Variants in PCSK5 observed in about 807,000 individuals in gnomAD.
PCSK5 encodes prohormone convertase 5.
PCSK5 carries 129 observed loss-of-function variants against 233.2 expected under a neutral mutation model. The observed-to-expected ratio is 0.55, with a 90% CI of 0.48 to 0.64. PCSK5 has a LOEUF of 0.64. PCSK5 is among the 30% of genes least tolerant of loss of function. PCSK5 has a pLI of 0.00. For synonymous variants in PCSK5, 825 were observed against 879.2 expected (o/e 0.94, Z 1.09); for missense variants, 2,076 against 2,430.1 (o/e 0.85, Z 3.06).
intron 17 of PCSK5, among the ~76,000 whole-genome samples, chr9:76,187,425 G>A (rs1824158090): frequency 6.6e-6 from 1 of 151,908 alleles, no homozygotes; most frequent in Non-Finnish European, 1.5e-5. Flanking sequence ...CTAGAGTGCA[G>A]TGGTGTGATC....
chr9:75,924,027 G>T (rs888976169), intron 1 of PCSK5, among the ~76,000 whole-genome samples: 1 of 151,966 alleles, frequency 6.6e-6, no homozygotes. Context: ...CCCATTTCAA[G>T]ATCCTTAACT....
chr9:76,193,332 A>G (rs1210452302), intron 20 of PCSK5: 5 of 1,612,234 alleles, frequency 3.1e-6, no homozygotes, highest in Non-Finnish European at 4.2e-6. Flanking sequence ...TTGCTGCAAA[A>G]CATGTACATT....
chr9:76,113,870 G>T (rs911906312), intron 9 of PCSK5, among the ~76,000 whole-genome samples: 4 of 152,128 alleles, frequency 2.6e-5, no homozygotes, highest in Non-Finnish European at 5.9e-5. Flanking sequence ...TGGGCAGGGA[G>T]CACAAGTGTA....
intron 5 of PCSK5, among the ~76,000 whole-genome samples, chr9:76,058,161 T>C (rs1457709765): frequency 2.0e-5 from 3 of 152,212 alleles, no homozygotes; most frequent in Admixed American, 1.3e-4. Context: ...AAGGGACTTT[T>C]TAGTGCATGG....
intron 5 of PCSK5, among the ~76,000 whole-genome samples, chr9:76,052,011 A>G (rs1392058503): frequency 6.6e-6 from 1 of 152,188 alleles, no homozygotes; most frequent in Non-Finnish European, 1.5e-5. Flanking sequence ...CTTTTTTCGT[A>G]GAAACAAGCT....
intron 5 of PCSK5, among the ~76,000 whole-genome samples, chr9:76,042,758 A>T (rs912496848): frequency 2.6e-5 from 4 of 152,122 alleles, no homozygotes; most frequent in African/African-American, 9.7e-5. Context: ...GAAGCACTCC[A>T]CTCCCACCAA....
In PCSK5 at chr9:76,354,191, G is replaced by A; in HGVS notation, c.5226G>A (p.Gln1742=). 1 of 1,587,088 alleles carries A rather than the reference G, an allele frequency of 6.3e-7. No homozygotes were observed. Among genetic ancestry groups the A allele is most frequent in the South Asian group, 1.2e-5 (1 of 86,770 alleles). ...CCNTSDPPSA[Q]ECCDCQDTTD... ...ACACCTCTGATCCCCCCAGTGCCCA[G>A]GAGTGCTGTGACTGCCAGGACACCA... Residue 1742 remains glutamine, a synonymous_variant, in exon 37 of 38, where the codon CAG becomes CAA. Transcript: ENST00000674117.
At chr9:76,302,959 C>CTTTTTTTTTTTTTTTT (rs10552673) in intron 28 of PCSK5, among the ~76,000 whole-genome samples, 1 of 87,490 alleles carries the variant, frequency 1.1e-5, no homozygotes, top group Non-Finnish European at 2.2e-5. Context: ...CAAAGTGGTT[C>CTTTTTTTTTTTTTTTT]TTTTTTTTTT....
intron 29 of PCSK5, 64 bp from the exon 30 acceptor site, chr9:76,310,592 C>T (rs995644891): frequency 1.8e-6 from 2 of 1,100,960 alleles, no homozygotes; most frequent in Non-Finnish European, 2.5e-6. Flanking sequence ...TTAAAAAAGC[C>T]ATGTCTCTGC....
chr9:76,358,954 A>G lies in PCSK5; in HGVS notation c.*32A>G. 6.3e-7 allele frequency: 1 copy of G among 1,588,126 alleles called. No individual in the cohort carries two copies. On this transcript the variant is annotated 3_prime_UTR_variant, in exon 38 of 38. Coordinates refer to ENST00000674117, the MANE Select transcript of PCSK5 (RefSeq NM_001372043.1). ...ACTCCCCCACCAACACCACCATTCCACTCTCAGGCATGCCTGTGAGCATCA... is the reference window on the plus strand; with the variant it reads ...ACTCCCCCACCAACACCACCATTCCGCTCTCAGGCATGCCTGTGAGCATCA...
chr9:76,303,231 G>A (rs1231223178), intron 28 of PCSK5, among the ~76,000 whole-genome samples: 1 of 151,986 alleles, frequency 6.6e-6, no homozygotes, highest in Admixed American at 6.6e-5. Context: ...AAGGGACAAG[G>A]TTTCACCATG....
chr9:75,968,572 A>C (rs1290641468), intron 2 of PCSK5, among the ~76,000 whole-genome samples: 1 of 152,232 alleles, frequency 6.6e-6, no homozygotes, highest in Non-Finnish European at 1.5e-5. Flanking sequence ...AGAAAGGAAG[A>C]TGCCCTCACC....
intron 5 of PCSK5, among the ~76,000 whole-genome samples, chr9:76,046,074 G>A (rs535305518): frequency 6.2e-4 from 89 of 144,300 alleles, no homozygotes; most frequent in African/African-American, 2.2e-3. Flanking sequence ...GTTTTCTTTT[G>A]TCTTGTTTTA....
At chr9:76,014,039 TA>T (rs757774456) in intron 3 of PCSK5, among the ~76,000 whole-genome samples, 21 of 151,860 alleles carry the variant, frequency 1.4e-4, no homozygotes, top group Non-Finnish European at 2.6e-4. Flanking sequence ...ACTCATTTTT[TA>T]AAAAGGAAAA....
intron 37 of PCSK5, among the ~76,000 whole-genome samples, chr9:76,355,280 G>A (rs1446646696): frequency 6.6e-6 from 1 of 152,114 alleles, no homozygotes; most frequent in Admixed American, 6.5e-5. Context: ...AGAACGTCCT[G>A]GCTAACATAG....
At position 76,063,814 on chromosome 9, in the gene PCSK5, C is replaced by T. The variant is rs1360427264; in HGVS notation, c.633-4141C>T. Among the ~76,000 whole-genome samples, 2 of 47,942 alleles carry T rather than the reference C, an allele frequency of 4.2e-5. 1 individual carries two copies. Among genetic ancestry groups the T allele is most frequent in the Admixed American group, 3.7e-4 (2 of 5,368 alleles). 31.5% of individuals were successfully genotyped at this position (47,942 alleles called of 152,430 possible). ...TTCTATTCCACAAAGCCGCCATTGT[C>T]ATCCTGGCCCGTTCTCAATGAGCTG... On this transcript the variant is annotated intron_variant, in intron 5 of 37. Coordinates refer to ENST00000674117, the MANE Select transcript of PCSK5 (RefSeq NM_001372043.1).
chr9:76,193,221 C>G (rs747463046), intron 20 of PCSK5: 9 of 1,611,074 alleles, frequency 5.6e-6, no homozygotes, highest in Non-Finnish European at 7.6e-6. Context: ...TTCTCTCTTG[C>G]TGACTTCTGG....
chr9:76,328,448 AT>A, intron 33 of PCSK5, among the ~76,000 whole-genome samples: 1 of 152,328 alleles, frequency 6.6e-6, no homozygotes, highest in South Asian at 2.1e-4. Flanking sequence ...CAAATTGCTC[AT>A]CTTCTACACC....
chr9:76,058,704 C>T (rs888698330), intron 5 of PCSK5, among the ~76,000 whole-genome samples: 3 of 152,060 alleles, frequency 2.0e-5, no homozygotes, highest in African/African-American at 7.2e-5. Context: ...AACAGAAGGG[C>T]AGCAGACACA....
Sources: allele counts gnomAD v4.1 joint callset (sites outside exome capture counted in the v4.1 genomes callset), GRCh38; gene constraint gnomAD v4.1.1; transcripts MANE v1.5; gene names NCBI Gene and HGNC (gene_info 2026-07-23, HGNC 2026-07-21).